TRIM9: variants seen among roughly 807,000 people sequenced by gnomAD.
TRIM9 encodes the protein E3 ubiquitin-protein ligase TRIM9.
Under a neutral mutation model 78.3 loss-of-function variants are expected in TRIM9, and 26 were observed. The observed-to-expected ratio is 0.33, with a 90% CI of 0.24 to 0.46. TRIM9 has a LOEUF of 0.46. Ranked by LOEUF, TRIM9 falls within the 20% of genes least tolerant of loss-of-function variation. TRIM9 has a pLI of 1.00. For missense variants in TRIM9, 787 were observed against 1,036.4 expected (o/e 0.76, Z 3.30); for synonymous variants, 398 against 416.5 (o/e 0.96, Z 0.54).
chr14:51,093,994 C>A, intron 1 of TRIM9, 124 bp downstream of exon 1: 2 of 937,046 alleles, frequency 2.1e-6, no homozygotes, highest in Non-Finnish European at 3.2e-6. Flanking sequence ...GGGAGGTAAA[C>A]ATCGAAGGCA....
At chr14:50,993,336 C>T (rs1052204716) in intron 7 of TRIM9, among the ~76,000 whole-genome samples, 3 of 151,086 alleles carry the variant, frequency 2.0e-5, no homozygotes, top group Admixed American at 6.6e-5. Flanking sequence ...CCCACATCTT[C>T]TTAAAGCTGG....
chr14:51,019,387 G>T (rs1360118258), intron 3 of TRIM9, among the ~76,000 whole-genome samples: 1 of 152,208 alleles, frequency 6.6e-6, no homozygotes. Context: ...CCACAGAGTA[G>T]TATTAACTAT....
At chr14:51,051,351 C>G (rs1325973521) in intron 1 of TRIM9, among the ~76,000 whole-genome samples, 5 of 152,140 alleles carry the variant, frequency 3.3e-5, no homozygotes, top group African/African-American at 4.8e-5. Context: ...GAAGCAGGAG[C>G]AGTTATTCTT....
intron 1 of TRIM9, among the ~76,000 whole-genome samples, chr14:51,074,636 T>C (rs1227837609): frequency 6.6e-6 from 1 of 152,230 alleles, no homozygotes. Context: ...ACCCTGCCCT[T>C]TTCTTTCCTA....
intron 3 of TRIM9, among the ~76,000 whole-genome samples, chr14:51,017,329 C>T (rs1036832887): frequency 2.0e-5 from 3 of 152,216 alleles, no homozygotes; most frequent in Admixed American, 6.5e-5. Context: ...CGGTTTTAAT[C>T]GAGAAAAGGA....
chr14:51,031,283 AAC>A (rs1455933796), intron 1 of TRIM9, among the ~76,000 whole-genome samples: 3 of 152,172 alleles, frequency 2.0e-5, no homozygotes, highest in Non-Finnish European at 4.4e-5. Context: ...GACTTGAAGA[AAC>A]ACACAGTTTC....
At chr14:50,999,056 A>G (rs1454779808) in intron 6 of TRIM9, among the ~76,000 whole-genome samples, 1 of 152,154 alleles carries the variant, frequency 6.6e-6, no homozygotes, top group Non-Finnish European at 1.5e-5. Flanking sequence ...GTGCATATGA[A>G]TCACCTGAGG....
chr14:51,028,642 G>C (rs530349329), intron 1 of TRIM9, among the ~76,000 whole-genome samples: 4 of 152,188 alleles, frequency 2.6e-5, no homozygotes, highest in African/African-American at 9.7e-5. Flanking sequence ...AGAAAGGTAC[G>C]TTCTAAAGCT....
chr14:51,011,117 G>A (rs777154602), intron 3 of TRIM9, among the ~76,000 whole-genome samples: 10 of 152,188 alleles, frequency 6.6e-5, no homozygotes, highest in Non-Finnish European at 1.3e-4. Flanking sequence ...GCAGAATTAA[G>A]TTTTAAGAAT....
In TRIM9 at chr14:51,084,888, G is replaced by A. The variant is rs192012053; in HGVS notation, c.822+9230C>T. On this transcript the variant is annotated intron_variant, in intron 1 of 12. Transcript: ENST00000684578. ...GAGTAATTTGGCTTTGGATGAGCTG[G>A]GCTTACAGTTGAGCCTGTGTATATT... Among the ~76,000 whole-genome samples, 90 of 152,202 alleles carry A rather than the reference G, an allele frequency of 5.9e-4. No individual in the cohort carries two copies. In the South Asian group the frequency reaches 6.0e-3, roughly 10 times the overall value.
At chr14:51,013,394 T>A (rs1257091042) in intron 3 of TRIM9, among the ~76,000 whole-genome samples, 1 of 152,202 alleles carries the variant, frequency 6.6e-6, no homozygotes, top group Non-Finnish European at 1.5e-5. Flanking sequence ...TATATATCTG[T>A]CTTTATGCCA....
At chr14:51,047,171 C>T (rs1326682388) in intron 1 of TRIM9, among the ~76,000 whole-genome samples, 1 of 152,190 alleles carries the variant, frequency 6.6e-6, no homozygotes, top group African/African-American at 2.4e-5. Flanking sequence ...CTTTAAGTCT[C>T]TGGGCCTTTT....
At chr14:51,078,134 G>GTAAC (rs2062971847) in intron 1 of TRIM9, among the ~76,000 whole-genome samples, 1 of 152,170 alleles carries the variant, frequency 6.6e-6, no homozygotes, top group African/African-American at 2.4e-5. Flanking sequence ...CTCAGCCTAT[G>GTAAC]TCAGGCCTTG....
At chr14:51,022,017 C>T (rs2057800274) in intron 3 of TRIM9, among the ~76,000 whole-genome samples, 1 of 152,182 alleles carries the variant, frequency 6.6e-6, no homozygotes, top group Admixed American at 6.5e-5. Context: ...TATGGCCACC[C>T]TATCCAAAAT....
intron 1 of TRIM9, among the ~76,000 whole-genome samples, chr14:51,078,621 T>C (rs2063021023): frequency 6.6e-6 from 1 of 152,032 alleles, no homozygotes; most frequent in Non-Finnish European, 1.5e-5. Flanking sequence ...GAAAGAAAAA[T>C]ATTGTATGAT....
chr14:51,042,665 C>T (rs1415571930), intron 1 of TRIM9, among the ~76,000 whole-genome samples: 1 of 152,142 alleles, frequency 6.6e-6, no homozygotes, highest in Non-Finnish European at 1.5e-5. Context: ...TTTTCCCATC[C>T]CTTACGTTGA....
intron 1 of TRIM9, among the ~76,000 whole-genome samples, chr14:51,032,318 G>A (rs982461258): frequency 1.9e-4 from 29 of 152,330 alleles, no homozygotes; most frequent in African/African-American, 6.7e-4. Context: ...TTACCTAACT[G>A]TAGTGAATAC....
At chr14:51,029,386 T>G (rs8013051) in intron 1 of TRIM9, among the ~76,000 whole-genome samples, 19,993 of 152,036 alleles carry the variant, frequency 0.13, 1,437 homozygotes, top group Middle Eastern at 0.15. Context: ...GTGCATGCCA[T>G]TCAGGCACCG....
chr14:50,975,860 A>G lies in TRIM9; in HGVS notation c.*1431T>C, dbSNP rs1266090128. On this transcript the variant is annotated 3_prime_UTR_variant, in exon 13 of 13. Transcript: ENST00000684578. ...GTAACCTATGTAAGTCTATCTCTAT[A>G]TAGAAGTAAGATGCATTATTATTCT... is the stretch of plus-strand genomic sequence containing the variant. The G allele has an allele frequency of 2.0e-5, 3 of 152,656 alleles. No homozygotes were observed. The highest frequency in any genetic ancestry group is 7.2e-5 in the African/African-American group (3 of 41,464). 9.5% of individuals were successfully genotyped at this position (152,656 alleles called of 1,614,324 possible). A position where few individuals can be genotyped will look rare whatever the true frequency, so the allele number is the denominator to read the frequency against.
Sources: allele counts gnomAD v4.1 joint callset (sites outside exome capture counted in the v4.1 genomes callset), GRCh38; gene constraint gnomAD v4.1.1; transcripts MANE v1.5; gene names NCBI Gene and HGNC (gene_info 2026-07-23, HGNC 2026-07-21).